Variants in P4HA3 observed in about 807,000 individuals in gnomAD.
The protein encoded by P4HA3 is prolyl 4-hydroxylase subunit alpha-3.
P4HA3 carries 60 observed loss-of-function variants against 66.7 expected under a neutral mutation model. That is an observed-to-expected ratio of 0.90 (90% CI 0.73 to 1.12). P4HA3 has a LOEUF of 1.12. P4HA3 is among the 50% of genes most tolerant of loss of function. P4HA3 has a pLI of 0.00. For synonymous variants in P4HA3, 263 were observed against 274.6 expected (o/e 0.96, Z 0.42); for missense variants, 683 against 685.8 (o/e 1.00, Z 0.05).
chr11:74,253,493 G>T, intron 15 of P4HA3: 4 of 1,607,748 alleles, frequency 2.5e-6, no homozygotes, highest in Non-Finnish European at 3.4e-6. Flanking sequence ...CTTCCACAGT[G>T]TGTTTCCTGG....
chr11:74,287,380 C>G (rs1282270295), intron 5 of P4HA3: 1 of 1,204,108 alleles, frequency 8.3e-7, no homozygotes, highest in African/African-American at 1.6e-5. Context: ...AATTATAAGC[C>G]CAAACCCCAG....
intron 1 of P4HA3, among the ~76,000 whole-genome samples, chr11:74,304,885 G>T (rs1225200810): frequency 6.6e-6 from 1 of 152,164 alleles, no homozygotes; most frequent in African/African-American, 2.4e-5. Context: ...ACGGACCGGG[G>T]GGTTGGGGGA....
chr11:74,300,674 A>C (rs1197958774), intron 3 of P4HA3, among the ~76,000 whole-genome samples: 1 of 152,228 alleles, frequency 6.6e-6, no homozygotes, highest in East Asian at 1.9e-4. Context: ...CATAATCCAT[A>C]GAGGAAGGGA....
chr11:74,268,173 G>A lies in P4HA3; in HGVS notation c.1536C>T (p.Gly512=), dbSNP rs1860056631. The part of the protein sequence containing the change: ...GEGDSDTLHA[G]CPVLVGDKWV... Reference sequence around the variant, plus strand: ...ACTTATCTCCCACCAGGACAGGACAGCCAGCATGAAGTGTGTCACTGTCCC... The same window carrying A: ...ACTTATCTCCCACCAGGACAGGACAACCAGCATGAAGTGTGTCACTGTCCC... Residue 512 remains glycine (G), a synonymous_variant, in exon 12 of 13, where the codon GGC becomes GGT. Transcript: ENST00000331597. 1.2e-6 allele frequency: 2 copies of A among 1,613,952 alleles called. No homozygotes were observed. Among genetic ancestry groups the A allele is most frequent in the African/African-American group, 1.3e-5 (1 of 74,926 alleles).
intron 4 of P4HA3, among the ~76,000 whole-genome samples, chr11:74,294,996 C>T (rs1022629544): frequency 2.6e-5 from 4 of 152,094 alleles, no homozygotes; most frequent in Non-Finnish European, 4.4e-5. Context: ...AGAAATCACC[C>T]GTCTTTTGTG....
chr11:74,296,787 A>T (rs2134801677), intron 4 of P4HA3, among the ~76,000 whole-genome samples: 1 of 152,310 alleles, frequency 6.6e-6, no homozygotes, highest in Non-Finnish European at 1.5e-5. Context: ...GAGTCTTTCC[A>T]TGTCGAATCT....
chr11:74,296,915 GT>G lies in P4HA3; in HGVS notation c.717+1296del, dbSNP rs975093351. Among the ~76,000 whole-genome samples, 27 of 141,684 alleles carry G rather than the reference GT, an allele frequency of 1.9e-4. No homozygotes were observed. The South Asian group carries it at 2.7e-3, about 14-fold the overall frequency. 93.0% of individuals were successfully genotyped at this position (141,684 alleles called of 152,430 possible). The stretch of plus-strand genomic sequence containing the variant: ...GAGAGTTAGGAAGAGCACATACACA[GT>G]TTTTTTTTTCTTTTTTTCTTTTTTT... On this transcript the variant is annotated intron_variant, in intron 4 of 12. Transcript: ENST00000331597.
chr11:74,304,394 A>T lies in P4HA3; in HGVS notation c.219T>A (p.Leu73=). The change falls in exon 2 of 13, where the codon CTT becomes CTA. Residue 73 remains leucine, a synonymous_variant. Coordinates refer to ENST00000331597, the MANE Select transcript of P4HA3 (RefSeq NM_182904.5). ...GGGTTGTTGAATCCTCATGCAAAGA[A>T]AGTACCTTGTCGTAGAATCTGAAAG... is the stretch of plus-strand genomic sequence containing the variant. The part of the protein sequence containing the change: ...RDLTRFYDKV[L]SLHEDSTTPV... The T allele has an allele frequency of 6.2e-7, 1 of 1,614,128 alleles. No homozygotes were observed. Among genetic ancestry groups the T allele is most frequent in the Non-Finnish European group, 8.5e-7 (1 of 1,180,004 alleles).
rs1213361857 is a variant in P4HA3, at chr11:74,253,523, C to T, written c.*1319-5522G>A. 3.1e-6 allele frequency: 5 copies of T among 1,602,760 alleles called. No homozygotes were observed. The East Asian group carries it at 6.7e-5, about 21-fold the overall frequency. ...TCCTGGCTGTTAGTGACCTGCTGTC[C>T]ACCCCTCCTCAACATCGAGCTCTGT... On this transcript the variant is annotated intron_variant and NMD_transcript_variant, in intron 15 of 15. Coordinates refer to the P4HA3 transcript ENST00000524388.
chr11:74,273,596 G>C lies in P4HA3; in HGVS notation c.1347C>G (p.Ser449Arg). The change falls in exon 10 of 13, where the codon AGC becomes AGG. Residue 449 changes from serine to arginine, a missense_variant. By Grantham distance (110) the Ser-to-Arg change is moderately radical. Transcript: ENST00000331597. ...TTCCTGACTTCATTCTGTAGAGGGG[G>C]CTGCTTGGTGACTGAGAAAAAAAAA... is the stretch of plus-strand genomic sequence containing the variant. Reference protein sequence around the residue: ...PHFDHATSPSSPLYRMKSGNR... With the variant: ...PHFDHATSPSRPLYRMKSGNR... 6.4e-7 allele frequency: 1 copy of C among 1,562,436 alleles called. No homozygotes were observed. Among genetic ancestry groups the C allele is most frequent in the Non-Finnish European group, 8.6e-7 (1 of 1,159,466 alleles).
At chr11:74,252,239 G>GGTT (rs1451114729) in intron 15 of P4HA3, among the ~76,000 whole-genome samples, 1 of 112,350 alleles carries the variant, frequency 8.9e-6, no homozygotes, top group African/African-American at 3.3e-5. Flanking sequence ...GGCTAATTTT[G>GGTT]TTTTTTTTTT....
At chr11:74,265,152 T>TA (rs1565402176), downstream of P4HA3, among the ~76,000 whole-genome samples, 1 of 152,242 alleles carries the variant, frequency 6.6e-6, no homozygotes, top group Admixed American at 6.5e-5. Context: ...ACCCATCCTG[T>TA]AATTCTGAGA....
chr11:74,303,296 T>C (rs369457187), intron 2 of P4HA3, among the ~76,000 whole-genome samples: 2,243 of 148,470 alleles, frequency 0.015, 68 homozygotes, highest in African/African-American at 0.053. Context: ...AAACTTCTTT[T>C]TTTTTTTTTT....
Position 74,267,189 on chromosome 11 carries a change from T to C in P4HA3, c.*59A>G. 6.2e-7 allele frequency: 1 copy of C among 1,611,814 alleles called. No homozygotes were observed. The highest frequency in any genetic ancestry group is 8.5e-7 in the Non-Finnish European group (1 of 1,179,412). On this transcript the variant is annotated 3_prime_UTR_variant, in exon 13 of 13. Transcript: ENST00000331597. ...GCTTTCTCCTCTCCTACCCCAGCTT[T>C]TGGCTCCTGGCTTCTCTGGAAAGCC...
At chr11:74,307,954 G>T (rs1861621561) in intron 1 of P4HA3, among the ~76,000 whole-genome samples, 2 of 151,878 alleles carry the variant, frequency 1.3e-5, no homozygotes, top group African/African-American at 4.8e-5. Context: ...GTTTTAAACT[G>T]CAAAAACAGC....
intron 4 of P4HA3, 32 bp from the exon 5 acceptor site, chr11:74,289,162 T>C: frequency 6.7e-7 from 1 of 1,499,790 alleles, no homozygotes; most frequent in Non-Finnish European, 9.0e-7. Flanking sequence ...AAAGAAAGCA[T>C]TAACTTCACT....
chr11:74,278,449 A>G (rs1860475189), intron 8 of P4HA3, among the ~76,000 whole-genome samples: 1 of 152,184 alleles, frequency 6.6e-6, no homozygotes, highest in East Asian at 1.9e-4. Context: ...TGGCAATTAG[A>G]AGTTCCCTGG....
At chr11:74,251,698 C>A (rs1565398262) in intron 15 of P4HA3, 5 of 1,613,964 alleles carry the variant, frequency 3.1e-6, no homozygotes, top group Non-Finnish European at 4.2e-6. Context: ...TTGCAGAACC[C>A]ATCGGTGGAT....
At chr11:74,310,235 ATTTATC>A (rs1290828982) in intron 1 of P4HA3, among the ~76,000 whole-genome samples, 1 of 152,192 alleles carries the variant, frequency 6.6e-6, no homozygotes, top group Non-Finnish European at 1.5e-5. Flanking sequence ...ATATACAATC[ATTTATC>A]TTTCATTTTT....
Sources: gnomAD v4.1 joint callset for allele counts (sites outside exome capture counted in the v4.1 genomes callset) on GRCh38, gnomAD v4.1.1 for gene constraint, MANE v1.5 for transcripts, NCBI Gene and HGNC (gene_info 2026-07-23, HGNC 2026-07-21) for gene names.